LITAF: variants seen among roughly 807,000 people sequenced by gnomAD.
LITAF encodes lipopolysaccharide induced TNF factor, also known as lipopolysaccharide-induced tumor necrosis factor-alpha factor.
LITAF carries 9 observed loss-of-function variants against 14.5 expected under a neutral mutation model. The observed-to-expected ratio is 0.62, with a 90% CI of 0.37 to 1.08. LITAF has a LOEUF of 1.08. Among genes scored for constraint, LITAF ranks in the 50% least tolerant of loss-of-function variants. The probability of loss-of-function intolerance (pLI) is 0.01; values close to 1 mark genes in which losing one functional copy is unlikely to be tolerated. For missense variants in LITAF, 206 were observed against 213.4 expected, an observed-to-expected ratio of 0.97 and a Z score of 0.22; for synonymous variants, 98 against 88.2, an observed-to-expected ratio of 1.11 and a Z score of -0.62.
At chr16:11,631,677 A>G (rs372513235) in intron 3 of LITAF, among the ~76,000 whole-genome samples, 4 of 152,264 alleles carry the variant, frequency 2.6e-5, no homozygotes, top group African/African-American at 9.6e-5. Flanking sequence ...GGCGTGAGCC[A>G]TGGTGCCCAG....
At chr16:11,598,338 A>C (rs1249784723) in intron 1 of LITAF, 1 of 145,596 alleles carries the variant, frequency 6.9e-6, no homozygotes, top group Middle Eastern at 3.4e-3. Flanking sequence ...CCACTCTTCT[A>C]CTCGGCTTGC....
chr16:11,636,736 G>T (rs1404605298), upstream of LITAF, among the ~76,000 whole-genome samples: 1 of 150,398 alleles, frequency 6.6e-6, no homozygotes, highest in Non-Finnish European at 1.5e-5. Context: ...CTTCCAGCTT[G>T]CTTATCTATG....
chr16:11,618,993 C>A lies in LITAF; in HGVS notation c.85+14540G>T, dbSNP rs934678654. Reference sequence around the variant, plus strand: ...GCTAGACTCGGTCTTAAAAAAAAAACAAAACAAACAAACAAACAAAAAAAA... The same window carrying A: ...GCTAGACTCGGTCTTAAAAAAAAAAAAAAACAAACAAACAAACAAAAAAAA... On this transcript the variant is annotated intron_variant, in intron 3 of 3. Coordinates refer to the LITAF transcript ENST00000574848. 5.7e-3 allele frequency among the ~76,000 whole-genome samples: 619 copies of A among 107,720 alleles called. 6 individuals carry two copies. The highest frequency in any genetic ancestry group is 0.031 in the African/African-American group (582 of 19,038). 70.7% of individuals were successfully genotyped at this position (107,720 alleles called of 152,430 possible).
intron 3 of LITAF, among the ~76,000 whole-genome samples, chr16:11,613,578 G>C (rs2064996857): frequency 6.6e-6 from 1 of 152,202 alleles, no homozygotes; most frequent in South Asian, 2.1e-4. Flanking sequence ...GATTCAAACT[G>C]GGCTCCTATG....
At chr16:11,626,971 T>G (rs1012415804) in intron 3 of LITAF, among the ~76,000 whole-genome samples, 1 of 152,066 alleles carries the variant, frequency 6.6e-6, no homozygotes, top group Non-Finnish European at 1.5e-5. Flanking sequence ...GCCTCCCAAG[T>G]GGCTGAGACT....
intron 1 of LITAF, among the ~76,000 whole-genome samples, chr16:11,563,775 G>A (rs1290723347): frequency 6.6e-6 from 1 of 152,044 alleles, no homozygotes; most frequent in African/African-American, 2.4e-5. Context: ...ATGAAATTCT[G>A]AGAGAGCTCA....
intron 3 of LITAF, among the ~76,000 whole-genome samples, chr16:11,624,871 G>C (rs1039078955): frequency 3.3e-5 from 5 of 152,112 alleles, no homozygotes; most frequent in African/African-American, 1.2e-4. Flanking sequence ...AAATTTTGAG[G>C]CTAAGACTTA....
chr16:11,588,853 C>CTCCTTCCT (rs35954261), upstream of LITAF, among the ~76,000 whole-genome samples: 73 of 150,136 alleles, frequency 4.9e-4, no homozygotes, highest in Admixed American at 1.4e-3. Context: ...CCAACCTTTT[C>CTCCTTCCT]TCCTTCCTTC....
intron 3 of LITAF, among the ~76,000 whole-genome samples, chr16:11,609,356 C>T (rs545290994): frequency 1.9e-4 from 29 of 152,040 alleles, no homozygotes; most frequent in African/African-American, 6.5e-4. Flanking sequence ...GGGTTACAGG[C>T]GCCTGCCACC....
intron 1 of LITAF, among the ~76,000 whole-genome samples, chr16:11,576,484 G>A (rs183478154): frequency 3.2e-4 from 32 of 100,346 alleles, no homozygotes; most frequent in African/African-American, 1.1e-3. Context: ...AAATAAATAA[G>A]TAAATAAATA....
intron 1 of LITAF, among the ~76,000 whole-genome samples, chr16:11,577,578 G>A (rs1017793058): frequency 8.6e-5 from 13 of 151,976 alleles, no homozygotes; most frequent in African/African-American, 2.2e-4. Context: ...TCAGCCTCCC[G>A]AAGTGCTGGG....
chr16:11,581,692 T>C (rs1375456419), intron 1 of LITAF, among the ~76,000 whole-genome samples: 1 of 152,084 alleles, frequency 6.6e-6, no homozygotes, highest in Non-Finnish European at 1.5e-5. Context: ...GGAGAGTTTC[T>C]GACACTTCTA....
intron 2 of LITAF, chr16:11,556,256 C>A: frequency 1.8e-6 from 1 of 546,804 alleles, no homozygotes; most frequent in African/African-American, 1.9e-5. Context: ...GGTTGTGCCT[C>A]CAAGAGATGT....
intron 3 of LITAF, among the ~76,000 whole-genome samples, chr16:11,621,553 C>A (rs1182283724): frequency 6.6e-6 from 1 of 152,188 alleles, no homozygotes; most frequent in African/African-American, 2.4e-5. Flanking sequence ...ATGTGCAGAA[C>A]AGACTGGTAT....
chr16:11,601,457 C>T (rs1169297631), upstream of LITAF, among the ~76,000 whole-genome samples: 1 of 152,210 alleles, frequency 6.6e-6, no homozygotes, highest in Non-Finnish European at 1.5e-5. Context: ...GTAAGGTTAG[C>T]TACTTGACCC....
Position 11,549,635 on chromosome 16 carries a change from T to C in LITAF, c.*2A>G. On this transcript the variant is annotated 3_prime_UTR_variant, in exon 4 of 4. Transcript: ENST00000622633. The surrounding 1 kb of genome is among the most constrained non-coding windows in gnomAD (Gnocchi z 4.6). The stretch of plus-strand genomic sequence containing the variant: ...CCGGCTCCCTCCACGTCTGGCTGAG[T>C]CCTACAAACGCTTGTAGGTGCCCAG... 1 of 1,608,410 alleles carries C rather than the reference T, an allele frequency of 6.2e-7. No homozygotes were observed. The highest frequency in any genetic ancestry group is 8.5e-7 in the Non-Finnish European group (1 of 1,175,652).
At chr16:11,557,604 C>A (rs1031825451) in intron 1 of LITAF, among the ~76,000 whole-genome samples, 5 of 152,076 alleles carry the variant, frequency 3.3e-5, no homozygotes, top group Non-Finnish European at 7.4e-5. Flanking sequence ...CATGTGCCCC[C>A]CCGCCCGGCT....
exon 2 of LITAF, chr16:11,635,925 G>C (rs565929444): frequency 6.6e-6 from 1 of 152,254 alleles, no homozygotes; most frequent in African/African-American, 2.4e-5. Context: ...AAAGACACGG[G>C]GTATTTACAG....
At chr16:11,604,171 G>A (rs950967516) in intron 3 of LITAF, among the ~76,000 whole-genome samples, 1 of 151,834 alleles carries the variant, frequency 6.6e-6, no homozygotes, top group Non-Finnish European at 1.5e-5. Context: ...AGGGGTAGGT[G>A]GTGATGTGAA....
Sources: allele counts gnomAD v4.1 joint callset (sites outside exome capture counted in the v4.1 genomes callset), GRCh38; gene constraint gnomAD v4.1.1; non-coding constraint Gnocchi (gnomAD v3.1); transcripts MANE v1.5; gene names NCBI Gene and HGNC (gene_info 2026-07-23, HGNC 2026-07-21).